PDSS2: variants seen among roughly 807,000 people sequenced by gnomAD.
PDSS2 encodes decaprenyl diphosphate synthase subunit 2.
Under a neutral mutation model 44.5 loss-of-function variants are expected in PDSS2, and 31 were observed. The ratio of observed to expected loss-of-function variants is 0.70; its 90% CI spans 0.52 to 0.94. The LOEUF (loss-of-function observed/expected upper bound fraction) is 0.94, where lower values mean the gene tolerates loss of function less well. Among genes scored for constraint, PDSS2 ranks in the 40% least tolerant of loss-of-function variants. PDSS2 has a pLI of 0.00. For missense variants in PDSS2, 452 were observed against 482.2 expected, an observed-to-expected ratio of 0.94 and a Z score of 0.59; for synonymous variants, 157 against 180.3, an observed-to-expected ratio of 0.87 and a Z score of 1.03.
intron 2 of PDSS2, among the ~76,000 whole-genome samples, chr6:107,306,187 A>G (rs1419383839): frequency 1.3e-5 from 2 of 152,146 alleles, no homozygotes; most frequent in Non-Finnish European, 2.9e-5. Context: ...TGTAAGTGAT[A>G]TGGTTTGGCT....
At chr6:107,267,350 T>G (rs572088000) in intron 3 of PDSS2, among the ~76,000 whole-genome samples, 64 of 152,314 alleles carry the variant, frequency 4.2e-4, no homozygotes, top group South Asian at 2.7e-3. Context: ...GAGGCCTCTT[T>G]CTTCTCTAAA....
chr6:107,289,030 G>C (rs1776255560), intron 2 of PDSS2, among the ~76,000 whole-genome samples: 1 of 149,526 alleles, frequency 6.7e-6, no homozygotes, highest in African/African-American at 2.5e-5. Flanking sequence ...GCCTCCCAAA[G>C]TGCTGGGATT....
intron 1 of PDSS2, among the ~76,000 whole-genome samples, chr6:107,400,253 T>A (rs891096995): frequency 1.3e-5 from 2 of 152,130 alleles, no homozygotes; most frequent in African/African-American, 4.8e-5. Flanking sequence ...TCATTTCTGG[T>A]CCTAATTAAT....
chr6:107,288,742 G>A (rs1237005942), intron 2 of PDSS2, among the ~76,000 whole-genome samples: 5 of 149,682 alleles, frequency 3.3e-5, no homozygotes, highest in Non-Finnish European at 5.9e-5. Flanking sequence ...TGAAGATGCC[G>A]GGACGAAATT....
At chr6:107,287,881 G>C (rs986306033) in intron 2 of PDSS2, among the ~76,000 whole-genome samples, 3 of 152,026 alleles carry the variant, frequency 2.0e-5, no homozygotes, top group African/African-American at 7.3e-5. Flanking sequence ...TATAGTCCCA[G>C]CTATTAGGGA....
At chr6:107,255,390 C>T (rs1774978817) in intron 3 of PDSS2, among the ~76,000 whole-genome samples, 1 of 151,540 alleles carries the variant, frequency 6.6e-6, no homozygotes, top group Non-Finnish European at 1.5e-5. Flanking sequence ...TGGGGTTTTG[C>T]CATGTTGTCC....
At chr6:107,188,180 C>T (rs1772241538) in intron 7 of PDSS2, among the ~76,000 whole-genome samples, 1 of 152,060 alleles carries the variant, frequency 6.6e-6, no homozygotes, top group Non-Finnish European at 1.5e-5. Flanking sequence ...GAGTTCGAGA[C>T]CAGCCTGAGC....
chr6:107,346,657 GAGACCTGGGGTCCAATTCAGGTGTCTAT>G, intron 1 of PDSS2, among the ~76,000 whole-genome samples: 1 of 152,108 alleles, frequency 6.6e-6, no homozygotes, highest in Non-Finnish European at 1.5e-5. Flanking sequence ...CAATAAGCGA[GAGACCTGGGGTCCAATTCAGGTGTCTAT>G]CTTTAAGGCC....
chr6:107,169,539 A>G (rs966428476), intron 7 of PDSS2, among the ~76,000 whole-genome samples: 7 of 151,910 alleles, frequency 4.6e-5, no homozygotes, highest in Non-Finnish European at 8.8e-5. Context: ...ATTCCTTTGG[A>G]GGGGGAGAGG....
intron 2 of PDSS2, among the ~76,000 whole-genome samples, chr6:107,306,292 G>C (rs1297568720): frequency 2.0e-5 from 3 of 152,278 alleles, no homozygotes; most frequent in East Asian, 3.9e-4. Flanking sequence ...TTCCCGTGCT[G>C]TTCTCGTGAT....
chr6:107,305,645 AC>A (rs1193661667), intron 2 of PDSS2, among the ~76,000 whole-genome samples: 224 of 152,320 alleles, frequency 1.5e-3, no homozygotes, highest in Non-Finnish European at 2.3e-3. Flanking sequence ...TCAAGTATCT[AC>A]TGGGCAGCAG....
intron 3 of PDSS2, among the ~76,000 whole-genome samples, chr6:107,251,736 A>G (rs945666748): frequency 1.3e-5 from 2 of 152,222 alleles, no homozygotes; most frequent in African/African-American, 4.8e-5. Flanking sequence ...TGAGCCACAA[A>G]AACTCTTATC....
chr6:107,409,065 T>TA (rs1440851125), intron 1 of PDSS2, among the ~76,000 whole-genome samples: 5 of 152,200 alleles, frequency 3.3e-5, no homozygotes, highest in Admixed American at 6.5e-5. Context: ...ACCTGACACT[T>TA]AGAGTATATG....
At chr6:107,437,444 G>A (rs1460807854) in intron 1 of PDSS2, among the ~76,000 whole-genome samples, 1 of 150,022 alleles carries the variant, frequency 6.7e-6, no homozygotes, top group Non-Finnish European at 1.5e-5. Flanking sequence ...AGAATTGCTT[G>A]AGCCTGAGAG....
intron 2 of PDSS2, among the ~76,000 whole-genome samples, chr6:107,280,674 C>A (rs1162519962): frequency 6.6e-6 from 1 of 152,036 alleles, no homozygotes; most frequent in East Asian, 1.9e-4. Flanking sequence ...GCAACAGAGA[C>A]CCTGTCTCAA....
chr6:107,429,901 A>AATATATATATATATAT (rs869061691), intron 1 of PDSS2, among the ~76,000 whole-genome samples: 7 of 31,808 alleles, frequency 2.2e-4, no homozygotes, highest in South Asian at 2.6e-3. Flanking sequence ...AAAAAAAAAA[A>AATATATATATATATAT]ATATATATAT....
chr6:107,298,003 C>A (rs1202774405), intron 2 of PDSS2, among the ~76,000 whole-genome samples: 1 of 152,136 alleles, frequency 6.6e-6, no homozygotes, highest in South Asian at 2.1e-4. Context: ...CCTTGGCCTC[C>A]CAAAGTCCTG....
rs1024528867 is a variant in PDSS2 at position 107,443,437 on chromosome 6, A to G, written c.296+15553T>C. Among the ~76,000 whole-genome samples, 9 of 152,244 alleles carry G rather than the reference A, an allele frequency of 5.9e-5. No homozygotes were observed. The South Asian group carries it at 1.7e-3, about 28-fold the overall frequency. On this transcript the variant is annotated intron_variant, in intron 1 of 7. Coordinates refer to ENST00000369037, the MANE Select transcript of PDSS2 (RefSeq NM_020381.4). ...AGAAGCTTTATTCACAGTAGCCAAA[A>G]ACAGAAGCAACCTATATATTCATTT...
chr6:107,401,193 A>C (rs1780095480), intron 1 of PDSS2, among the ~76,000 whole-genome samples: 1 of 151,952 alleles, frequency 6.6e-6, no homozygotes, highest in Admixed American at 6.6e-5. Context: ...GCTTTGTGCA[A>C]CCTTTACTAT....
Sources: allele counts gnomAD v4.1 joint callset (sites outside exome capture counted in the v4.1 genomes callset), GRCh38; gene constraint gnomAD v4.1.1; transcripts MANE v1.5; gene names NCBI Gene and HGNC (gene_info 2026-07-23, HGNC 2026-07-21).